MAD1L1: variants seen among roughly 807,000 people sequenced by gnomAD.
MAD1L1 encodes mitotic spindle assembly checkpoint protein MAD1.
Under a neutral mutation model 96.9 loss-of-function variants are expected in MAD1L1, and 95 were observed. The ratio of observed to expected loss-of-function variants is 0.98; its 90% CI spans 0.83 to 1.16. The LOEUF (loss-of-function observed/expected upper bound fraction) is 1.16, where lower values mean the gene tolerates loss of function less well. Ranked by LOEUF, MAD1L1 falls within the 50% of genes most tolerant of loss-of-function variation. The pLI is 0.00. For missense variants in MAD1L1, 1,007 were observed against 954.4 expected, an observed-to-expected ratio of 1.06 and a Z score of -0.73; for synonymous variants, 473 against 396.6, an observed-to-expected ratio of 1.19 and a Z score of -2.29.
intron 11 of MAD1L1, among the ~76,000 whole-genome samples, chr7:2,118,836 C>T (rs146357919): frequency 2.8e-4 from 42 of 152,324 alleles, no homozygotes; most frequent in African/African-American, 1.0e-3. Context: ...GTGAGGCACG[C>T]GCAGACACGT....
chr7:1,819,825 G>A (rs900247064), intron 18 of MAD1L1, among the ~76,000 whole-genome samples: 6 of 152,110 alleles, frequency 3.9e-5, no homozygotes, highest in Non-Finnish European at 5.9e-5. Flanking sequence ...GGGCTCGGAG[G>A]CCAAGGGGGA....
At chr7:2,218,183 C>A (rs1021698690) in intron 6 of MAD1L1, 140 bp from the exon 7 acceptor site, 13 of 630,468 alleles carry the variant, frequency 2.1e-5, no homozygotes, top group African/African-American at 9.0e-5. Context: ...ACGGCACAGA[C>A]CCCCCGCCCC....
intron 14 of MAD1L1, among the ~76,000 whole-genome samples, chr7:1,997,496 T>C (rs2128491035): frequency 6.6e-6 from 1 of 152,360 alleles, no homozygotes. Flanking sequence ...GAGCCAGACC[T>C]GGGTGACTCC....
At chr7:2,224,458 C>T (rs1333662917) in intron 4 of MAD1L1, among the ~76,000 whole-genome samples, 2 of 152,208 alleles carry the variant, frequency 1.3e-5, no homozygotes, top group Non-Finnish European at 2.9e-5. Flanking sequence ...CCCACCCCAG[C>T]GGTGCCTCAG....
chr7:1,947,655 G>A (rs1469646640), intron 16 of MAD1L1, among the ~76,000 whole-genome samples: 2 of 152,018 alleles, frequency 1.3e-5, no homozygotes, highest in African/African-American at 2.4e-5. Context: ...TCTCCTGCCC[G>A]TGGCCTTGCC....
chr7:1,983,116 GCACACACA>G (rs1189698679), intron 14 of MAD1L1, among the ~76,000 whole-genome samples: 97 of 149,966 alleles, frequency 6.5e-4, no homozygotes, highest in African/African-American at 2.2e-3. Context: ...GTGCACACAC[GCACACACA>G]CCCACAGACG....
At chr7:1,827,449 TCCCCTCCTGAGCCCGTCGC>T (rs1782460361) in intron 18 of MAD1L1, among the ~76,000 whole-genome samples, 6 of 94,370 alleles carry the variant, frequency 6.4e-5, no homozygotes, top group Admixed American at 3.0e-4. Flanking sequence ...TGTGGGGTCC[TCCCCTCCTGAGCCCGTCGC>T]GGGTGTGGGG....
At chr7:1,827,053 C>T (rs530663451) in intron 18 of MAD1L1, among the ~76,000 whole-genome samples, 2 of 152,220 alleles carry the variant, frequency 1.3e-5, no homozygotes, top group African/African-American at 4.8e-5. Flanking sequence ...CAGCCGCAGC[C>T]GGAGGGGAGC....
At chr7:1,905,959 A>G (rs1787600542) in intron 17 of MAD1L1, among the ~76,000 whole-genome samples, 3 of 149,758 alleles carry the variant, frequency 2.0e-5, no homozygotes, top group African/African-American at 7.3e-5. Flanking sequence ...CTGAGGCAGG[A>G]GAATTGCTTG....
At chr7:1,854,912 G>A (rs61013383) in intron 18 of MAD1L1, among the ~76,000 whole-genome samples, 2 of 152,358 alleles carry the variant, frequency 1.3e-5, no homozygotes, top group Admixed American at 6.5e-5. Flanking sequence ...GGCAAGTCCC[G>A]TGAGGCCCAG....
chr7:2,013,800 T>A lies in MAD1L1; in HGVS notation c.1359+702A>T, dbSNP rs1330187272. 3.3e-5 allele frequency among the ~76,000 whole-genome samples: 5 copies of A among 150,108 alleles called. No homozygotes were observed. The East Asian group carries it at 7.9e-4, about 24-fold the overall frequency. On this transcript the variant is annotated intron_variant, in intron 13 of 18. Coordinates refer to ENST00000265854, the MANE Select transcript of MAD1L1 (RefSeq NM_001013836.2). ...CCCCGGCCCCAGTGTAGATGAGAAGTGTGGATGGGGAGTGTGGACGTGGCC... is the reference window on the plus strand; with the variant it reads ...CCCCGGCCCCAGTGTAGATGAGAAGAGTGGATGGGGAGTGTGGACGTGGCC...
At chr7:2,058,979 G>A (rs1336088667) in intron 12 of MAD1L1, among the ~76,000 whole-genome samples, 3 of 67,760 alleles carry the variant, frequency 4.4e-5, no homozygotes, top group Admixed American at 1.6e-4. Context: ...GTGTGGCCAG[G>A]GGAGAGGCGC....
intron 18 of MAD1L1, among the ~76,000 whole-genome samples, chr7:1,897,270 C>G (rs1159485993): frequency 6.6e-6 from 1 of 150,976 alleles, no homozygotes. Flanking sequence ...GTTCTCGGTT[C>G]CATAAAGACA....
chr7:2,025,446 C>T (rs761607257), intron 12 of MAD1L1, among the ~76,000 whole-genome samples: 1 of 152,180 alleles, frequency 6.6e-6, no homozygotes, highest in Middle Eastern at 3.4e-3. Context: ...GATTTTATAC[C>T]CAGCAAAACT....
At chr7:2,185,437 T>C (rs1791412835) in intron 10 of MAD1L1, among the ~76,000 whole-genome samples, 1 of 152,186 alleles carries the variant, frequency 6.6e-6, no homozygotes, top group South Asian at 2.1e-4. Flanking sequence ...ACACAGGTGG[T>C]ACATTTTCAA....
At chr7:1,969,576 A>G (rs142929304) in intron 15 of MAD1L1, among the ~76,000 whole-genome samples, 1 of 152,338 alleles carries the variant, frequency 6.6e-6, no homozygotes, top group African/African-American at 2.4e-5. Flanking sequence ...GAAAAAGTGA[A>G]ACTACTTCTC....
chr7:1,999,466 T>C (rs1281881052), intron 14 of MAD1L1, among the ~76,000 whole-genome samples: 2 of 152,162 alleles, frequency 1.3e-5, no homozygotes, highest in African/African-American at 2.4e-5. Flanking sequence ...CCCATGACTG[T>C]GTCTGCTGGG....
At chr7:1,882,331 G>C (rs552944651) in intron 18 of MAD1L1, among the ~76,000 whole-genome samples, 1 of 152,334 alleles carries the variant, frequency 6.6e-6, no homozygotes, top group East Asian at 1.9e-4. Flanking sequence ...AAGTCAGCAT[G>C]CGTTGAAAGC....
chr7:2,054,224 A>C (rs1442194285), intron 12 of MAD1L1, among the ~76,000 whole-genome samples: 1 of 152,196 alleles, frequency 6.6e-6, no homozygotes, highest in Non-Finnish European at 1.5e-5. Flanking sequence ...TGGTCTTTTC[A>C]AAGAGCCAAG....
Sources: allele counts gnomAD v4.1 joint callset (sites outside exome capture counted in the v4.1 genomes callset), GRCh38; gene constraint gnomAD v4.1.1; transcripts MANE v1.5; gene names NCBI Gene and HGNC (gene_info 2026-07-23, HGNC 2026-07-21).